The following MACROD1 variants were observed in gnomAD, a reference collection of about 807,000 sequenced individuals.
The protein encoded by MACROD1 is ADP-ribose glycohydrolase MACROD1.
MACROD1 carries 31 observed loss-of-function variants against 41.4 expected under a neutral mutation model. The observed-to-expected ratio is 0.75, with a 90% confidence interval of 0.56 to 1.01. The LOEUF (loss-of-function observed/expected upper bound fraction) is 1.01, where lower values mean the gene tolerates loss of function less well. MACROD1 is among the 50% of genes least tolerant of loss of function. MACROD1 has a pLI of 0.00. For synonymous variants in MACROD1, 252 were observed against 203.4 expected (o/e 1.24, Z -2.03); for missense variants, 473 against 460.0 (o/e 1.03, Z -0.26).
At chr11:64,031,055 A>G (rs924103435) in intron 3 of MACROD1, among the ~76,000 whole-genome samples, 1 of 152,230 alleles carries the variant, frequency 6.6e-6, no homozygotes, top group Admixed American at 6.5e-5. Context: ...GGGCAGGAGC[A>G]TGCTGAAGGG....
chr11:64,101,457 C>A (rs1178345579), intron 3 of MACROD1, among the ~76,000 whole-genome samples: 1 of 152,030 alleles, frequency 6.6e-6, no homozygotes, highest in Non-Finnish European at 1.5e-5. Flanking sequence ...GCAGCGGCCA[C>A]AGCTGACTGG....
chr11:64,002,274 G>A (rs776138301), intron 4 of MACROD1, among the ~76,000 whole-genome samples: 1 of 152,208 alleles, frequency 6.6e-6, no homozygotes, highest in Non-Finnish European at 1.5e-5. Flanking sequence ...AGGCGACCTC[G>A]GCCAGCTGTG....
chr11:64,155,014 G>C, intron 1 of MACROD1, among the ~76,000 whole-genome samples: 1 of 152,162 alleles, frequency 6.6e-6, no homozygotes, highest in East Asian at 1.9e-4. Flanking sequence ...CCACGGCGCC[G>C]GCCCCCTTTC....
chr11:64,165,596 C>G (rs1331897872), intron 1 of MACROD1, 101 bp downstream of exon 1: 22 of 1,102,198 alleles, frequency 2.0e-5, no homozygotes, highest in Non-Finnish European at 2.5e-5. Flanking sequence ...TTCCCCAGGT[C>G]TCTCGGGTGG....
intron 3 of MACROD1, among the ~76,000 whole-genome samples, chr11:64,016,912 CG>C (rs1435017918): frequency 6.6e-6 from 1 of 152,172 alleles, no homozygotes; most frequent in African/African-American, 2.4e-5. Flanking sequence ...TGCAGAGGGG[CG>C]GGCCCCCCAG....
intron 3 of MACROD1, among the ~76,000 whole-genome samples, chr11:64,030,059 CG>C (rs1943273787): frequency 6.6e-6 from 1 of 152,078 alleles, no homozygotes; most frequent in Non-Finnish European, 1.5e-5. Context: ...AACCACCCCC[CG>C]GGTGACACAG....
chr11:64,047,939 CCCAGCCCTGCAG>C (rs1943616258), intron 3 of MACROD1, among the ~76,000 whole-genome samples: 2 of 151,934 alleles, frequency 1.3e-5, no homozygotes. Flanking sequence ...AAAGCAGAGC[CCCAGCCCTGCAG>C]CAACTTCCTG....
At chr11:64,081,153 C>T (rs148814324) in intron 3 of MACROD1, among the ~76,000 whole-genome samples, 1,807 of 152,264 alleles carry the variant, frequency 0.012, 25 homozygotes, top group African/African-American at 0.042. Context: ...TTTGGAGTAG[C>T]TGGGATTACA....
rs1220884709 is a variant in MACROD1, at chr11:64,067,167, A to C, written c.518-51886T>G. On this transcript the variant is annotated intron_variant, in intron 3 of 10. Transcript: ENST00000255681. The surrounding 1 kb of genome is among the most constrained non-coding windows in gnomAD (Gnocchi z 4.6). Reference sequence around the variant, plus strand: ...GGCTGGTGGGGGTGGGAGGCCGGCCATACCCACCTGTAGGCACATGCGGCT... The same window carrying C: ...GGCTGGTGGGGGTGGGAGGCCGGCCCTACCCACCTGTAGGCACATGCGGCT... Among the ~76,000 whole-genome samples, 3 of 152,140 alleles carry C rather than the reference A, an allele frequency of 2.0e-5. No homozygotes were observed. The highest frequency in any genetic ancestry group is 7.2e-5 in the African/African-American group (3 of 41,428).
intron 8 of MACROD1, 44 bp downstream of exon 8, chr11:63,999,287 T>C (rs999235456): frequency 6.5e-7 from 1 of 1,538,844 alleles, no homozygotes; most frequent in Non-Finnish European, 8.7e-7. Flanking sequence ...CTGGTCACTC[T>C]GGCCGGGATG....
At chr11:64,051,101 G>A (rs1565209985) in intron 3 of MACROD1, among the ~76,000 whole-genome samples, 1 of 152,236 alleles carries the variant, frequency 6.6e-6, no homozygotes, top group Non-Finnish European at 1.5e-5. Context: ...CTCCATGGAT[G>A]CTGCCTGTGG....
At position 63,998,823 on chromosome 11, in the gene MACROD1, C is replaced by G; in HGVS notation, c.*30+15G>C. ...CTAGGGCCGGGGCCGCCGCACGGGG[C>G]GAGGCCCTGCTTACCAGTCCCGGTC... On this transcript the variant is annotated intron_variant, in intron 10 of 10. Coordinates refer to ENST00000255681, the MANE Select transcript of MACROD1 (RefSeq NM_014067.4). 1 of 1,545,850 alleles carries G rather than the reference C, an allele frequency of 6.5e-7. No individual in the cohort carries two copies. Among genetic ancestry groups the G allele is most frequent in the Non-Finnish European group, 8.7e-7 (1 of 1,150,514 alleles).
chr11:64,154,127 T>C (rs1945628321), intron 1 of MACROD1, among the ~76,000 whole-genome samples: 1 of 152,172 alleles, frequency 6.6e-6, no homozygotes, highest in Non-Finnish European at 1.5e-5. Context: ...TTCTAATCAG[T>C]TGCACAGATT....
intron 3 of MACROD1, among the ~76,000 whole-genome samples, chr11:64,135,755 CAT>C (rs1945323275): frequency 6.6e-6 from 1 of 152,172 alleles, no homozygotes; most frequent in Admixed American, 6.5e-5. Flanking sequence ...CCACCCAGCA[CAT>C]GTTCCGAGGG....
At chr11:64,157,283 G>A (rs1314511343) in intron 1 of MACROD1, among the ~76,000 whole-genome samples, 5 of 152,154 alleles carry the variant, frequency 3.3e-5, no homozygotes, top group African/African-American at 9.6e-5. Flanking sequence ...TAATAGAGAC[G>A]GGGTTTCACG....
intron 3 of MACROD1, among the ~76,000 whole-genome samples, chr11:64,141,022 C>G (rs1246643030): frequency 6.6e-6 from 1 of 152,178 alleles, no homozygotes; most frequent in African/African-American, 2.4e-5. Flanking sequence ...GTGGTCCCAG[C>G]AACTCGGGAG....
chr11:64,001,376 C>T (rs1942822850), intron 4 of MACROD1: 17 of 700,346 alleles, frequency 2.4e-5, no homozygotes, highest in East Asian at 1.9e-4. Context: ...TGATCGCCCA[C>T]GCCAGGAGCT....
At position 63,998,673 on chromosome 11, in the gene MACROD1, G is replaced by A; in HGVS notation, c.*45C>T. On this transcript the variant is annotated 3_prime_UTR_variant, in exon 11 of 11. Coordinates refer to ENST00000255681, the MANE Select transcript of MACROD1 (RefSeq NM_014067.4). ...GCGACCTCTCAGAGCTGGGAGCGGG[G>A]TCCCGAAGGCGGGTCTGAGGGCAGA... is the stretch of plus-strand genomic sequence containing the variant. The A allele has an allele frequency of 1.5e-6, 2 of 1,337,584 alleles. No individual in the cohort carries two copies. Among genetic ancestry groups the A allele is most frequent in the South Asian group, 2.1e-5 (1 of 47,184 alleles). The allele number at this position is 1,337,584 out of a possible 1,614,324, so 82.9% of individuals were successfully genotyped here. A position where few individuals can be genotyped will look rare whatever the true frequency, so the allele number is the denominator to read the frequency against.
At chr11:64,152,787 G>C (rs375245732) in intron 1 of MACROD1, among the ~76,000 whole-genome samples, 1 of 152,206 alleles carries the variant, frequency 6.6e-6, no homozygotes, top group African/African-American at 2.4e-5. Flanking sequence ...AGGCCAAGCC[G>C]GTTGGCAGCA....
Sources: allele counts gnomAD v4.1 joint callset (sites outside exome capture counted in the v4.1 genomes callset), GRCh38; gene constraint gnomAD v4.1.1; non-coding constraint Gnocchi (gnomAD v3.1); transcripts MANE v1.5; gene names NCBI Gene and HGNC (gene_info 2026-07-23, HGNC 2026-07-21).